The following CDHR2 variants were observed in gnomAD, a reference collection of about 807,000 sequenced individuals.
CDHR2 encodes the protein cadherin-related family member 2.
CDHR2 carries 104 observed loss-of-function variants against 138.6 expected under a neutral mutation model. That is an observed-to-expected ratio of 0.75 (90% CI 0.64 to 0.88). CDHR2 has a LOEUF of 0.88. Ranked by LOEUF, CDHR2 falls within the 40% of genes least tolerant of loss-of-function variation. The pLI is 0.00. For missense variants in CDHR2, 1,624 were observed against 1,727.6 expected, an observed-to-expected ratio of 0.94 and a Z score of 1.06; for synonymous variants, 755 against 742.8, an observed-to-expected ratio of 1.02 and a Z score of -0.27.
At chr5:176,578,167 A>G in intron 15 of CDHR2, 72 bp downstream of exon 15, 3 of 1,446,464 alleles carry the variant, frequency 2.1e-6, no homozygotes, top group Non-Finnish European at 2.9e-6. Context: ...CTCTCTGCAG[A>G]GATAGAATAG....
At chr5:176,551,004 TC>T (rs1326750101) in intron 1 of CDHR2, among the ~76,000 whole-genome samples, 2 of 152,168 alleles carry the variant, frequency 1.3e-5, no homozygotes, top group African/African-American at 4.8e-5. Context: ...TCCTTTTTGG[TC>T]CTTCCCTAAG....
chr5:176,551,821 C>G (rs1257081661), intron 1 of CDHR2, among the ~76,000 whole-genome samples: 1 of 151,490 alleles, frequency 6.6e-6, no homozygotes, highest in Admixed American at 6.6e-5. Context: ...CCTGCCTCAG[C>G]CTTCCAAGTA....
Position 176,551,347 on chromosome 5 carries a change from T to A in CDHR2, c.-16+1933T>A, listed in dbSNP as rs919050560. ...CATGCCTGGCTAATTTTTGTATTTT[T>A]AGTAGAGACAGGGTTTCACCATGTT... On this transcript the variant is annotated intron_variant, in intron 1 of 31. Coordinates refer to ENST00000261944, the MANE Select transcript of CDHR2 (RefSeq NM_017675.6). Among the ~76,000 whole-genome samples, 22 of 152,180 alleles carry A rather than the reference T, an allele frequency of 1.4e-4. 1 individual carries two copies. Among genetic ancestry groups the A allele is most frequent in the Admixed American group, 1.4e-3 (22 of 15,274 alleles).
At chr5:176,565,561 T>C in intron 2 of CDHR2, 111 bp from the exon 3 acceptor site, 1 of 1,239,462 alleles carries the variant, frequency 8.1e-7, no homozygotes, top group East Asian at 2.5e-5. Context: ...AATCCAGGCC[T>C]GGACGGGTGG....
chr5:176,581,637 C>T (rs1192197923), intron 17 of CDHR2, 55 bp downstream of exon 17: 1 of 1,593,666 alleles, frequency 6.3e-7, no homozygotes, highest in Non-Finnish European at 8.5e-7. Context: ...CGATAGCCAG[C>T]CCCTCCAGCT....
Position 176,571,290 on chromosome 5 carries a change from CA to C in CDHR2, c.394del (p.Ser132AlafsTer32), listed in dbSNP as rs764327244. Reference protein sequence around the residue: ...PVFQNTAFSTSINETLPVGSV... With the variant: ...PVFQNTAFSTXINETLPVGSV... ...TTTTCCAGAACACCGCTTTCTCCAC[CA>C]GCATCAACGAGGTGACACCTGCCTT... is the stretch of plus-strand genomic sequence containing the variant. On this transcript the variant is annotated frameshift_variant, in exon 6 of 32. Transcript: ENST00000261944. LOFTEE classifies it high-confidence loss of function. 18 of 1,606,892 alleles carry C rather than the reference CA, an allele frequency of 1.1e-5. No homozygotes were observed. The highest frequency in any genetic ancestry group is 1.4e-5 in the Non-Finnish European group (17 of 1,176,902).
intron 3 of CDHR2, among the ~76,000 whole-genome samples, chr5:176,567,595 A>G (rs777522035): frequency 1.3e-5 from 2 of 152,134 alleles, no homozygotes; most frequent in East Asian, 1.9e-4. Flanking sequence ...GGGTTCAAGC[A>G]ATTCTCCTGC....
intron 5 of CDHR2, among the ~76,000 whole-genome samples, chr5:176,570,455 C>G (rs1049828891): frequency 6.6e-6 from 1 of 152,252 alleles, no homozygotes; most frequent in Non-Finnish European, 1.5e-5. Context: ...AAGCAATCCT[C>G]TTAACTCAGC....
At position 176,575,170 on chromosome 5, in the gene CDHR2, C is replaced by A. The variant is rs1581140887; in HGVS notation, c.582C>A (p.Asn194Lys). ...TCCTCAATGGCAGCCTCAGCTACAA[C>A]AACAAGAGCGCTTTCTACCAGCTGG... ...SIVLNGSLSY[N>K]NKSAFYQLEL... The change falls in exon 8 of 32, where the codon AAC becomes AAA. Residue 194 changes from asparagine to lysine, a missense_variant. By Grantham distance (94) the Asn-to-Lys change is moderately conservative. Coordinates refer to ENST00000261944, the MANE Select transcript of CDHR2 (RefSeq NM_017675.6). The A allele has an allele frequency of 1.2e-6, 2 of 1,614,226 alleles. No homozygotes were observed.
rs1758062480 is a variant in CDHR2, at chr5:176,565,699, T to A, written c.80T>A (p.Leu27Gln). ...SVAANVAPKFLANMTSVILPE... is the reference protein window; with the variant it reads ...SVAANVAPKFQANMTSVILPE... ...GCAGCCAACGTGGCCCCGAAGTTCC[T>A]AGCCAACATGACGTCAGTGATCCTG... is the stretch of plus-strand genomic sequence containing the variant. The change falls in exon 3 of 32, where the codon CTA becomes CAA. Residue 27 changes from leucine (L) to glutamine (Q), a missense_variant. This residue lies in a region of CDHR2 where 1,061 missense variants were observed against 1,136.6 expected (regional missense o/e 0.93). Transcript: ENST00000261944. The A allele has an allele frequency of 1.7e-5, 27 of 1,613,900 alleles. No homozygotes were observed. The highest frequency in any genetic ancestry group is 2.0e-5 in the Non-Finnish European group (24 of 1,179,974).
chr5:176,595,749 A>T lies in CDHR2; in HGVS notation c.*77A>T. Reference sequence around the variant, plus strand: ...CTGCACCTGTCTCCCTGGAGATGAAAATATATGACGCTGCCCTGCCTCCTG... The same window carrying T: ...CTGCACCTGTCTCCCTGGAGATGAATATATATGACGCTGCCCTGCCTCCTG... On this transcript the variant is annotated 3_prime_UTR_variant, in exon 32 of 32. Coordinates refer to ENST00000261944, the MANE Select transcript of CDHR2 (RefSeq NM_017675.6). The T allele has an allele frequency of 7.4e-7, 1 of 1,352,488 alleles. No individual in the cohort carries two copies. Among genetic ancestry groups the T allele is most frequent in the Non-Finnish European group, 9.8e-7 (1 of 1,017,700 alleles). The allele number at this position is 1,352,488 out of a possible 1,614,324, so 83.8% of individuals were successfully genotyped here. A position where few individuals can be genotyped will look rare whatever the true frequency, so the allele number is the denominator to read the frequency against.
rs1276138870 is a variant in CDHR2, at chr5:176,575,146, C to T, written c.558C>T (p.Val186=). ...LFRILANGSI[V]LNGSLSYNNK... is the part of the protein sequence containing the mutation. ...GGATCCTGGCCAATGGCTCCATAGTCCTCAATGGCAGCCTCAGCTACAACA... is the reference window on the plus strand; with the variant it reads ...GGATCCTGGCCAATGGCTCCATAGTTCTCAATGGCAGCCTCAGCTACAACA... Residue 186 remains valine, a synonymous_variant, in exon 8 of 32, where the codon GTC becomes GTT. Coordinates refer to ENST00000261944, the MANE Select transcript of CDHR2 (RefSeq NM_017675.6). 6.2e-7 allele frequency: 1 copy of T among 1,614,212 alleles called. No individual in the cohort carries two copies. The highest frequency in any genetic ancestry group is 1.3e-5 in the African/African-American group (1 of 75,058).
At chr5:176,567,370 A>G (rs550611774) in intron 3 of CDHR2, among the ~76,000 whole-genome samples, 1 of 152,242 alleles carries the variant, frequency 6.6e-6, no homozygotes, top group African/African-American at 2.4e-5. Flanking sequence ...GGGTTTTGCT[A>G]CATTGCTGAG....
chr5:176,585,640 C>T (rs1046091913), intron 19 of CDHR2, among the ~76,000 whole-genome samples: 6 of 152,232 alleles, frequency 3.9e-5, no homozygotes, highest in Non-Finnish European at 8.8e-5. Flanking sequence ...GTGACTTTGA[C>T]AAGCTGCTTA....
chr5:176,594,590 T>A (rs1202967004), intron 31 of CDHR2, among the ~76,000 whole-genome samples: 1 of 152,246 alleles, frequency 6.6e-6, no homozygotes, highest in Non-Finnish European at 1.5e-5. Flanking sequence ...GGTCATGTTA[T>A]CGTGGGTGGC....
chr5:176,573,289 G>A (rs1758277092), intron 6 of CDHR2, among the ~76,000 whole-genome samples: 1 of 152,040 alleles, frequency 6.6e-6, no homozygotes, highest in Non-Finnish European at 1.5e-5. Context: ...ATTTGAAGGA[G>A]AAGAGTTATG....
chr5:176,581,942 A>T (rs901650112), intron 17 of CDHR2, among the ~76,000 whole-genome samples: 1 of 152,318 alleles, frequency 6.6e-6, no homozygotes, highest in Non-Finnish European at 1.5e-5. Context: ...GAAAATCAGC[A>T]TTGCTGGTGT....
At chr5:176,554,583 A>G (rs910553042) in intron 1 of CDHR2, among the ~76,000 whole-genome samples, 2 of 152,088 alleles carry the variant, frequency 1.3e-5, no homozygotes, top group African/African-American at 4.8e-5. Flanking sequence ...CAGGCTCTTC[A>G]CCTCTCTGAG....
intron 21 of CDHR2, among the ~76,000 whole-genome samples, chr5:176,588,591 GTA>G (rs1010796409): frequency 7.3e-6 from 1 of 136,978 alleles, no homozygotes; most frequent in African/African-American, 2.8e-5. Context: ...GTGAGGGTGT[GTA>G]TGAGTGTGTG....
Sources: gnomAD v4.1 joint callset for allele counts (sites outside exome capture counted in the v4.1 genomes callset) on GRCh38, gnomAD v4.1.1 for gene constraint, gnomAD v4.1.1 regional missense constraint, MANE v1.5 for transcripts, NCBI Gene and HGNC (gene_info 2026-07-23, HGNC 2026-07-21) for gene names.